The following SLC6A6 variants were observed in gnomAD, a reference collection of about 807,000 sequenced individuals.
SLC6A6 encodes sodium- and chloride-dependent taurine transporter.
A neutral mutation model predicts 68.8 loss-of-function variants in SLC6A6; 16 were observed. That is an observed-to-expected ratio of 0.23 (90% CI 0.16 to 0.35). The LOEUF is 0.35. SLC6A6 is among the 10% of genes least tolerant of loss of function. The pLI is 1.00. For synonymous variants in SLC6A6, 312 were observed against 315.4 expected (o/e 0.99, Z 0.12); for missense variants, 474 against 802.8 (o/e 0.59, Z 4.95).
chr3:14,475,774 G>A (rs3773167), intron 10 of SLC6A6, among the ~76,000 whole-genome samples: 15,775 of 152,100 alleles, frequency 0.1, 1,157 homozygotes, highest in African/African-American at 0.2. Context: ...GCTATAATTC[G>A]GTGGCAATTT....
chr3:14,465,394 C>G (rs1485040906), intron 6 of SLC6A6, among the ~76,000 whole-genome samples: 1 of 152,192 alleles, frequency 6.6e-6, no homozygotes, highest in Admixed American at 6.5e-5. Context: ...AAGCGGGGAG[C>G]CTTTCCTATT....
upstream of SLC6A6, chr3:14,402,601 A>G (rs892286205): frequency 2.5e-5 from 10 of 397,188 alleles, no homozygotes; most frequent in East Asian, 1.8e-4. This position sits in a 1 kb window ranked among gnomAD's most constrained non-coding sequence, Gnocchi z 4.8. Flanking sequence ...AGGATGGGTG[A>G]TGCTGAGAGC....
Position 14,472,187 on chromosome 3 carries a change from G to T in SLC6A6, c.1097-18G>T. On this transcript the variant is annotated intron_variant, in intron 9 of 14. Transcript: ENST00000622186. This position sits in a 1 kb window ranked among gnomAD's most constrained non-coding sequence, Gnocchi z 4.5. ...TGTCTCCTCCCCTGTGCCCCTCCCCGTTTTCTTTCCTTTCTAGGTCCTGGC... is the reference window on the plus strand; with the variant it reads ...TGTCTCCTCCCCTGTGCCCCTCCCCTTTTTCTTTCCTTTCTAGGTCCTGGC... 6.5e-7 allele frequency: 1 copy of T among 1,543,208 alleles called. No individual in the cohort carries two copies. The highest frequency in any genetic ancestry group is 9.0e-7 in the Non-Finnish European group (1 of 1,115,778).
chr3:14,413,846 A>C (rs1026032659), intron 1 of SLC6A6, among the ~76,000 whole-genome samples: 1 of 152,132 alleles, frequency 6.6e-6, no homozygotes, highest in Admixed American at 6.5e-5. Flanking sequence ...GACATGCATA[A>C]AATTACGCAG....
chr3:14,455,703 CT>C (rs1430642556), intron 5 of SLC6A6, among the ~76,000 whole-genome samples: 2 of 152,242 alleles, frequency 1.3e-5, no homozygotes, highest in Non-Finnish European at 1.5e-5. Context: ...ACAAGGAAGT[CT>C]TGGGCCACTG....
intron 10 of SLC6A6, among the ~76,000 whole-genome samples, chr3:14,476,293 A>G (rs1049099799): frequency 1.1e-4 from 16 of 152,234 alleles, no homozygotes; most frequent in African/African-American, 3.9e-4. Flanking sequence ...CATTAGATCA[A>G]TGGCGATGCC....
intron 1 of SLC6A6, among the ~76,000 whole-genome samples, chr3:14,408,233 C>T (rs1040528405): frequency 5.3e-5 from 8 of 152,074 alleles, no homozygotes; most frequent in East Asian, 1.9e-4. Flanking sequence ...TCAAGCAATA[C>T]GAAACTGCAT....
intron 4 of SLC6A6, among the ~76,000 whole-genome samples, chr3:14,446,441 A>G (rs1169081782): frequency 6.6e-6 from 1 of 152,170 alleles, no homozygotes; most frequent in African/African-American, 2.4e-5. Flanking sequence ...CTGAAAGACT[A>G]CCTATGGCAT....
In SLC6A6 at chr3:14,468,271, A is replaced by T. The variant is rs531088904; in HGVS notation, c.1096+59A>T. 1 of 1,526,914 alleles carries T rather than the reference A, an allele frequency of 6.5e-7. No individual in the cohort carries two copies. Among genetic ancestry groups the T allele is most frequent in the Non-Finnish European group, 8.9e-7 (1 of 1,125,428 alleles). 94.6% of individuals were successfully genotyped at this position (1,526,914 alleles called of 1,614,324 possible). A position where few individuals can be genotyped will look rare whatever the true frequency, so the allele number is the denominator to read the frequency against. ...CTGCCACCTAGTGTGTAAGCCAAGT[A>T]CTGCAGGCATGAAGCCAGACCCCAG... On this transcript the variant is annotated intron_variant, in intron 9 of 14. Transcript: ENST00000622186. This position sits in a 1 kb window ranked among gnomAD's most constrained non-coding sequence, Gnocchi z 4.5.
intron 2 of SLC6A6, among the ~76,000 whole-genome samples, chr3:14,417,623 T>C (rs778863905): frequency 1.1e-4 from 17 of 151,760 alleles, no homozygotes; most frequent in Non-Finnish European, 2.1e-4. Context: ...TTCCAGCTAC[T>C]CGGGAGGCTG....
At chr3:14,471,039 C>T (rs1700738467) in intron 9 of SLC6A6, among the ~76,000 whole-genome samples, 1 of 150,258 alleles carries the variant, frequency 6.7e-6, no homozygotes, top group South Asian at 2.1e-4. Context: ...TTGGGTTTTG[C>T]TTTTTGTTTT....
At chr3:14,423,532 C>T (rs1699528192) in intron 2 of SLC6A6, among the ~76,000 whole-genome samples, 1 of 152,156 alleles carries the variant, frequency 6.6e-6, no homozygotes, top group African/African-American at 2.4e-5. Context: ...TAATAAGCCT[C>T]CTGAGGCTCA....
chr3:14,452,203 G>C (rs915008885), intron 5 of SLC6A6, among the ~76,000 whole-genome samples: 21 of 152,272 alleles, frequency 1.4e-4, no homozygotes, highest in African/African-American at 4.8e-4. Context: ...TTCCTTGTGG[G>C]GGGAGACAAA....
rs184480824 is a variant in SLC6A6, at chr3:14,468,708, G to A, written c.1096+496G>A. ...TCCCAACTCTGTGTCAGGCACCACC[G>A]TAGGCACTGGGTGCAGTGTGTGGGG... On this transcript the variant is annotated intron_variant, in intron 9 of 14. Coordinates refer to ENST00000622186, the MANE Select transcript of SLC6A6 (RefSeq NM_003043.6). This position sits in a 1 kb window ranked among gnomAD's most constrained non-coding sequence, Gnocchi z 4.5. Among the ~76,000 whole-genome samples the A allele has an allele frequency of 5.3e-5, 8 of 152,168 alleles. No individual in the cohort carries two copies. The highest frequency in any genetic ancestry group is 8.8e-5 in the Non-Finnish European group (6 of 68,036).
intron 14 of SLC6A6, among the ~76,000 whole-genome samples, chr3:14,483,895 G>A (rs1238325475): frequency 6.6e-6 from 1 of 151,980 alleles, no homozygotes; most frequent in Non-Finnish European, 1.5e-5. Flanking sequence ...GTGTTGCCCA[G>A]ACTGCCTTTA....
At position 14,485,131 on chromosome 3, in the gene SLC6A6, A is replaced by G. The variant is rs1701118345; in HGVS notation, c.*124A>G. 5.3e-6 allele frequency: 4 copies of G among 751,104 alleles called. No homozygotes were observed. The Admixed American group carries it at 1.2e-4, about 22-fold the overall frequency. 46.5% of individuals were successfully genotyped at this position (751,104 alleles called of 1,614,324 possible). On this transcript the variant is annotated 3_prime_UTR_variant, in exon 15 of 15. Transcript: ENST00000622186. ...TTTTTTTTTTTTGTAATTGTCACAG[A>G]AAATGTAATTGTGGGTATGTGTGCG...
At chr3:14,428,842 G>A (rs1699659206) in intron 2 of SLC6A6, among the ~76,000 whole-genome samples, 1 of 152,146 alleles carries the variant, frequency 6.6e-6, no homozygotes, top group Non-Finnish European at 1.5e-5. Flanking sequence ...CTGCTGTTGG[G>A]GAAGTCCCAC....
chr3:14,445,856 G>A lies in SLC6A6; in HGVS notation c.364+5G>A, dbSNP rs1700108689. 6.2e-7 allele frequency: 1 copy of A among 1,614,198 alleles called. No homozygotes were observed. Among genetic ancestry groups the A allele is most frequent in the Non-Finnish European group, 8.5e-7 (1 of 1,180,004 alleles). ...AGATCTGCCCCTTGTTCTCTGGTGA[G>A]TATGGGACGGAGGTCACTTGGGGCC... On this transcript the variant is annotated splice_donor_5th_base_variant and intron_variant, in intron 4 of 14. Coordinates refer to ENST00000622186, the MANE Select transcript of SLC6A6 (RefSeq NM_003043.6).
chr3:14,405,317 G>GCTCTGGGGACT (rs1699082939), intron 1 of SLC6A6, among the ~76,000 whole-genome samples: 1 of 152,156 alleles, frequency 6.6e-6, no homozygotes, highest in East Asian at 1.9e-4. Flanking sequence ...GGCAGTCCGG[G>GCTCTGGGGACT]CTCTGGGGAC....
Sources: gnomAD v4.1 joint callset for allele counts (sites outside exome capture counted in the v4.1 genomes callset) on GRCh38, gnomAD v4.1.1 for gene constraint, Gnocchi (gnomAD v3.1) non-coding constraint, MANE v1.5 for transcripts, NCBI Gene and HGNC (gene_info 2026-07-23, HGNC 2026-07-21) for gene names.